TRPM3: variants seen among roughly 807,000 people sequenced by gnomAD.
The protein encoded by TRPM3 is long transient receptor potential channel 3.
TRPM3 carries 77 observed loss-of-function variants against 181.2 expected under a neutral mutation model. The ratio of observed to expected loss-of-function variants is 0.42; its 90% CI spans 0.35 to 0.51. TRPM3 has a LOEUF of 0.51. TRPM3 is among the 20% of genes least tolerant of loss of function. The pLI is 0.01. For missense variants in TRPM3, 1,759 were observed against 2,196.7 expected, an observed-to-expected ratio of 0.80 and a Z score of 3.98; for synonymous variants, 745 against 796.4, an observed-to-expected ratio of 0.94 and a Z score of 1.09.
intron 1 of TRPM3, among the ~76,000 whole-genome samples, chr9:71,261,469 C>T (rs1357462973): frequency 6.6e-6 from 1 of 152,136 alleles, no homozygotes; most frequent in Non-Finnish European, 1.5e-5. Context: ...TAGCTCGGAG[C>T]CATTTCTCAT....
chr9:71,370,451 T>C (rs1005782111), intron 1 of TRPM3, among the ~76,000 whole-genome samples: 1 of 151,732 alleles, frequency 6.6e-6, no homozygotes, highest in South Asian at 2.1e-4. Flanking sequence ...GTTGCTGATA[T>C]GGAGAAAGTT....
intron 1 of TRPM3, among the ~76,000 whole-genome samples, chr9:71,218,361 C>T (rs549651108): frequency 7.0e-4 from 107 of 152,164 alleles, no homozygotes; most frequent in Non-Finnish European, 7.3e-4. Flanking sequence ...AGCATAAAAA[C>T]ATACTGTATT....
chr9:70,899,173 G>A (rs1381296768), intron 1 of TRPM3, among the ~76,000 whole-genome samples: 1 of 152,134 alleles, frequency 6.6e-6, no homozygotes, highest in African/African-American at 2.4e-5. Flanking sequence ...AATTTAGAGG[G>A]AAAGAGAGAT....
rs2058608454 is a variant in TRPM3 at position 71,039,660 on chromosome 9, A to G, written c.177+81518T>C. On this transcript the variant is annotated intron_variant, in intron 1 of 25. Transcript: ENST00000677713. Reference sequence around the variant, plus strand: ...TGCAGATAGACATAAACAGGTCCCAATTCTCAGCATTAATGGATAGAACAG... The same window carrying G: ...TGCAGATAGACATAAACAGGTCCCAGTTCTCAGCATTAATGGATAGAACAG... Among the ~76,000 whole-genome samples the G allele has an allele frequency of 2.6e-5, 4 of 152,314 alleles. No individual in the cohort carries two copies. The South Asian group carries it at 8.3e-4, about 32-fold the overall frequency.
At chr9:71,105,169 A>G (rs2069223412) in intron 1 of TRPM3, among the ~76,000 whole-genome samples, 1 of 152,200 alleles carries the variant, frequency 6.6e-6, no homozygotes, top group African/African-American at 2.4e-5. Flanking sequence ...AAATTTTAGG[A>G]GCTTGTTGAG....
chr9:71,420,659 A>AAGAGAAAGAAAG (rs1167052487), intron 1 of TRPM3, among the ~76,000 whole-genome samples: 3 of 78,494 alleles, frequency 3.8e-5, no homozygotes, highest in Non-Finnish European at 6.7e-5. Flanking sequence ...GAGAAAGAAA[A>AAGAGAAAGAAAG]AGAGAAAGAA....
At chr9:71,258,419 T>G (rs1004934445) in intron 1 of TRPM3, among the ~76,000 whole-genome samples, 1 of 152,204 alleles carries the variant, frequency 6.6e-6, no homozygotes, top group Non-Finnish European at 1.5e-5. Context: ...TGAATTCTAT[T>G]TATTACAGGG....
intron 1 of TRPM3, among the ~76,000 whole-genome samples, chr9:70,896,113 G>C (rs1402607216): frequency 1.3e-5 from 2 of 151,782 alleles, no homozygotes; most frequent in Non-Finnish European, 2.9e-5. Context: ...ATGAGATGAA[G>C]GACAATCCCT....
At chr9:70,610,409 G>A (rs966324073) in intron 19 of TRPM3, among the ~76,000 whole-genome samples, 200 bp downstream of exon 19, 22 of 152,130 alleles carry the variant, frequency 1.4e-4, no homozygotes, top group African/African-American at 5.1e-4. Context: ...TATTTTCTGA[G>A]AGGAGGCAAA....
At chr9:71,097,446 ATATT>A (rs1189151504) in intron 1 of TRPM3, among the ~76,000 whole-genome samples, 2 of 152,146 alleles carry the variant, frequency 1.3e-5, no homozygotes, top group African/African-American at 4.8e-5. Context: ...TGCATTTAAC[ATATT>A]TATATGTGAA....
At position 70,549,618 on chromosome 9, in the gene TRPM3, T is replaced by C. The variant is rs1480616257; in HGVS notation, c.3631A>G (p.Ile1211Val). Residue 1211 changes from isoleucine to valine, a missense_variant, in exon 25 of 26, where the codon ATA (isoleucine) becomes GTA (valine). By Grantham distance (29) the Ile-to-Val change is conservative. Around this residue, in one of 8 missense-constraint regions of TRPM3, gnomAD observed 96 missense variants for 129.6 expected, o/e 0.74. Transcript: ENST00000677713. ...TCCTTTTCTCTGAAGTATTCTTCTA[T>C]GCATTGCTCTTCAAAGTCATGTACT... The part of the protein sequence containing the change: ...KKVHDFEEQC[I>V]EEYFREKDDR... 1.2e-6 allele frequency: 2 copies of C among 1,613,348 alleles called. No individual in the cohort carries two copies. The highest frequency in any genetic ancestry group is 2.2e-5 in the East Asian group (1 of 44,870).
At chr9:71,388,638 C>T (rs1246848962) in intron 1 of TRPM3, among the ~76,000 whole-genome samples, 1 of 152,100 alleles carries the variant, frequency 6.6e-6, no homozygotes, top group East Asian at 1.9e-4. Context: ...AGAGTATATT[C>T]GGGCCTACAG....
chr9:70,858,633 CAGAA>C (rs1042155619), intron 3 of TRPM3, among the ~76,000 whole-genome samples: 3 of 152,016 alleles, frequency 2.0e-5, no homozygotes, highest in Admixed American at 6.6e-5. Flanking sequence ...TGATTAGACT[CAGAA>C]AGAAAGAAAG....
At chr9:70,753,700 AG>A (rs1194720023) in intron 8 of TRPM3, among the ~76,000 whole-genome samples, 1 of 152,164 alleles carries the variant, frequency 6.6e-6, no homozygotes, top group African/African-American at 2.4e-5. Flanking sequence ...ATCCAGGTTC[AG>A]GTTCAATATG....
rs80269984 is a variant in TRPM3 at position 70,563,065 on chromosome 9, G to A, written c.3224-9755C>T. On this transcript the variant is annotated intron_variant, in intron 22 of 25. Transcript: ENST00000677713. ...TGGTGAATGGAATGTTAGCAAATGT[G>A]ACCCACACAGAACCTTGGAAAAGCC... 0.014 allele frequency among the ~76,000 whole-genome samples: 2,083 copies of A among 152,324 alleles called. 100 individuals are homozygous for A. In the East Asian group the frequency reaches 0.16, roughly 11 times the overall value.
Position 70,695,505 on chromosome 9 carries a change from C to G in TRPM3, c.1273-13927G>C, listed in dbSNP as rs150912368. Among the ~76,000 whole-genome samples the G allele has an allele frequency of 2.6e-5, 4 of 152,172 alleles. No individual in the cohort carries two copies. In the South Asian group the frequency reaches 8.3e-4, roughly 31 times the overall value. ...TTCTCTCTGCTGGTCTGTCTTGTCC[C>G]TGAAGCTCTGTCTGGCTATCTGTTC... On this transcript the variant is annotated intron_variant, in intron 8 of 25. Coordinates refer to ENST00000677713, the MANE Select transcript of TRPM3 (RefSeq NM_001366145.2).
chr9:71,134,620 A>G (rs2074653179), intron 1 of TRPM3, among the ~76,000 whole-genome samples: 1 of 152,030 alleles, frequency 6.6e-6, no homozygotes, highest in South Asian at 2.1e-4. Context: ...AAGAATCCAA[A>G]TGCCTTCAAA....
At chr9:70,927,301 T>C (rs750062008) in intron 1 of TRPM3, among the ~76,000 whole-genome samples, 1 of 152,132 alleles carries the variant, frequency 6.6e-6, no homozygotes, top group African/African-American at 2.4e-5. Context: ...GTTCTGGACA[T>C]AGAGGGTCAA....
chr9:71,089,108 T>C (rs1425611329), intron 1 of TRPM3, among the ~76,000 whole-genome samples: 4 of 147,602 alleles, frequency 2.7e-5, no homozygotes, highest in Non-Finnish European at 6.0e-5. Flanking sequence ...ATTATATATA[T>C]GATATATATT....
Sources: gnomAD v4.1 joint callset for allele counts (sites outside exome capture counted in the v4.1 genomes callset) on GRCh38, gnomAD v4.1.1 for gene constraint, gnomAD v4.1.1 regional missense constraint, MANE v1.5 for transcripts, NCBI Gene and HGNC (gene_info 2026-07-23, HGNC 2026-07-21) for gene names.